DERL1: variants seen among roughly 807,000 people sequenced by gnomAD.
DERL1 encodes the protein derlin-1.
DERL1 carries 24 observed loss-of-function variants against 41.6 expected under a neutral mutation model. The ratio of observed to expected loss-of-function variants is 0.58; its 90% CI spans 0.42 to 0.81. The LOEUF (loss-of-function observed/expected upper bound fraction) is 0.81. Among genes scored for constraint, DERL1 ranks in the 30% least tolerant of loss-of-function variants. The probability of loss-of-function intolerance (pLI) is 0.00; values close to 1 mark genes in which losing one functional copy is unlikely to be tolerated. For missense variants in DERL1, 260 were observed against 314.3 expected, an observed-to-expected ratio of 0.83 and a Z score of 1.31; for synonymous variants, 124 against 112.5, an observed-to-expected ratio of 1.10 and a Z score of -0.65.
At chr8:123,039,944 T>G (rs1192581770) in intron 1 of DERL1, among the ~76,000 whole-genome samples, 1 of 152,178 alleles carries the variant, frequency 6.6e-6, no homozygotes, top group Non-Finnish European at 1.5e-5. Context: ...AAGGCCAGGC[T>G]CAGTGGCTCA....
Position 123,042,016 on chromosome 8 carries a change from G to C in DERL1, c.107C>G (p.Pro36Arg), listed in dbSNP as rs776404346. ...TTCGGGCCAGAGGAAGAGGTAGGCC[G>C]GGCTGATGAGGCCGAGTTTGCCGAC... ...PLVGKLGLIS[P>R]AYLFLWPEAF... is the part of the protein sequence containing the mutation. Residue 36 changes from proline to arginine, a missense_variant, in exon 1 of 8, where the codon CCG becomes CGG. Coordinates refer to ENST00000259512, the MANE Select transcript of DERL1 (RefSeq NM_024295.6). The C allele has an allele frequency of 3.1e-6, 5 of 1,613,778 alleles. No individual in the cohort carries two copies.
At chr8:123,016,538 T>C (rs145930929) in intron 7 of DERL1, 3 of 152,364 alleles carry the variant, frequency 2.0e-5, no homozygotes, top group African/African-American at 4.8e-5. Flanking sequence ...TCAGTGATTA[T>C]TGCCTTACAC....
chr8:123,014,330 C>T lies in DERL1; in HGVS notation c.*1117G>A, dbSNP rs1387922322. 6.6e-6 allele frequency: 1 copy of T among 152,648 alleles called. No individual in the cohort carries two copies. Among genetic ancestry groups the T allele is most frequent in the African/African-American group, 2.4e-5 (1 of 41,458 alleles). 9.5% of individuals were successfully genotyped at this position (152,648 alleles called of 1,614,324 possible). A position where few individuals can be genotyped will look rare whatever the true frequency, so the allele number is the denominator to read the frequency against. On this transcript the variant is annotated 3_prime_UTR_variant, in exon 8 of 8. Transcript: ENST00000259512. The stretch of plus-strand genomic sequence containing the variant: ...CATTTCAACCTTAAATCATGTTATT[C>T]CCTTAGATGTGCTTACATTAGCTTT...
At chr8:123,022,879 A>T in intron 4 of DERL1, 100 bp from the exon 5 acceptor site, 2 of 849,208 alleles carry the variant, frequency 2.4e-6, no homozygotes, top group South Asian at 2.9e-5. Flanking sequence ...AACAATCCTC[A>T]CCTGGGTAAA....
intron 1 of DERL1, among the ~76,000 whole-genome samples, chr8:123,031,187 A>T (rs1812809489): frequency 6.6e-6 from 1 of 152,232 alleles, no homozygotes; most frequent in African/African-American, 2.4e-5. Flanking sequence ...TAAATAGGCA[A>T]TAGGGGCACT....
chr8:123,027,989 G>A (rs183775759), intron 2 of DERL1, among the ~76,000 whole-genome samples: 5 of 151,616 alleles, frequency 3.3e-5, no homozygotes, highest in African/African-American at 9.7e-5. Context: ...TTGAACCCAG[G>A]AGGCAGAGGT....
intron 3 of DERL1, 107 bp from the exon 4 acceptor site, chr8:123,023,846 T>C: frequency 7.7e-7 from 1 of 1,292,210 alleles, no homozygotes; most frequent in Non-Finnish European, 1.1e-6. Flanking sequence ...CCAGGTGTAA[T>C]TTGGCTCATG....
At position 123,042,175 on chromosome 8, in the gene DERL1, A is replaced by G; in HGVS notation, c.-53T>C. On this transcript the variant is annotated 5_prime_UTR_variant, in exon 1 of 8. Coordinates refer to ENST00000259512, the MANE Select transcript of DERL1 (RefSeq NM_024295.6). ...CAAGACCGCCCGACTCCCCGTGCCGACCCCCTCACGACGCGGCCGGCTCCG... is the reference window on the plus strand; with the variant it reads ...CAAGACCGCCCGACTCCCCGTGCCGGCCCCCTCACGACGCGGCCGGCTCCG... 6.6e-7 allele frequency: 1 copy of G among 1,515,304 alleles called. No homozygotes were observed. Among genetic ancestry groups the G allele is most frequent in the Non-Finnish European group, 8.9e-7 (1 of 1,124,994 alleles). The allele number at this position is 1,515,304 out of a possible 1,614,324, so 93.9% of individuals were successfully genotyped here.
At chr8:123,035,717 T>C (rs1291750449) in intron 1 of DERL1, among the ~76,000 whole-genome samples, 2 of 152,214 alleles carry the variant, frequency 1.3e-5, no homozygotes, top group Admixed American at 6.5e-5. Context: ...CTCACTGCTA[T>C]ATACACCCTT....
At chr8:123,021,303 G>T in intron 6 of DERL1, 144 bp downstream of exon 6, 1 of 734,726 alleles carries the variant, frequency 1.4e-6, no homozygotes, top group Non-Finnish European at 2.3e-6. Context: ...CAATTCAATC[G>T]AAGTGAAATT....
chr8:123,042,253 A>G lies in DERL1; in HGVS notation c.-131T>C. 1 of 1,241,384 alleles carries G rather than the reference A, an allele frequency of 8.1e-7. No homozygotes were observed. The highest frequency in any genetic ancestry group is 3.0e-5 in the East Asian group (1 of 33,746). The allele number at this position is 1,241,384 out of a possible 1,614,324, so 76.9% of individuals were successfully genotyped here. A position where few individuals can be genotyped will look rare whatever the true frequency, so the allele number is the denominator to read the frequency against. On this transcript the variant is annotated 5_prime_UTR_variant, in exon 1 of 8. Transcript: ENST00000259512. ...GCCGAAGCCGCGATGCAGAAGGCGG[A>G]GACGGGCGGACGTGGCGCCACCGAA...
chr8:123,030,580 C>G, intron 2 of DERL1, 25 bp downstream of exon 2: 1 of 1,494,922 alleles, frequency 6.7e-7, no homozygotes, highest in Non-Finnish European at 9.2e-7. Context: ...AGAAACAATG[C>G]TTAAAACAAC....
intron 1 of DERL1, among the ~76,000 whole-genome samples, chr8:123,041,612 G>T (rs1258004141): frequency 6.6e-6 from 1 of 152,240 alleles, no homozygotes. Flanking sequence ...GTGACAGAGG[G>T]AGGTCAGAGG....
At chr8:123,022,233 G>A (rs1812571808) in intron 5 of DERL1, among the ~76,000 whole-genome samples, 1 of 152,200 alleles carries the variant, frequency 6.6e-6, no homozygotes, top group Admixed American at 6.5e-5. Flanking sequence ...TTAAGAATGG[G>A]TAGGATTTAT....
Position 123,015,297 on chromosome 8 carries a change from C to T in DERL1, c.*150G>A. 9.4e-7 allele frequency: 1 copy of T among 1,066,506 alleles called. No homozygotes were observed. The highest frequency in any genetic ancestry group is 2.7e-5 in the Admixed American group (1 of 36,736). The allele number at this position is 1,066,506 out of a possible 1,614,324, so 66.1% of individuals were successfully genotyped here. On this transcript the variant is annotated 3_prime_UTR_variant, in exon 8 of 8. Coordinates refer to ENST00000259512, the MANE Select transcript of DERL1 (RefSeq NM_024295.6). ...AAACTTGTGGAACACTTATATTTTT[C>T]TTCGGGATTTAAGAAACTTTGTCTC...
chr8:123,013,640 G>GA lies in DERL1; in HGVS notation c.*1806dup, dbSNP rs894609886. Reference sequence around the variant, plus strand: ...GTTCTAAATACTTGTAAACCTTTAGGAAAAAATGACTGCTCGCAGGCAGCT... The same window carrying GA: ...GTTCTAAATACTTGTAAACCTTTAGGAAAAAAATGACTGCTCGCAGGCAGCT... On this transcript the variant is annotated 3_prime_UTR_variant, in exon 8 of 8. Coordinates refer to ENST00000259512, the MANE Select transcript of DERL1 (RefSeq NM_024295.6). 4 of 152,040 alleles carry GA rather than the reference G, an allele frequency of 2.6e-5. No homozygotes were observed. The highest frequency in any genetic ancestry group is 9.7e-5 in the African/African-American group (4 of 41,388). 9.4% of individuals were successfully genotyped at this position (152,040 alleles called of 1,614,324 possible).
At chr8:123,023,568 TAAATA>T (rs1032377107) in intron 4 of DERL1, 140 bp downstream of exon 4, 12 of 734,070 alleles carry the variant, frequency 1.6e-5, no homozygotes, top group Middle Eastern at 3.2e-4. Flanking sequence ...AATAAATAAA[TAAATA>T]AAACAGCTGT....
chr8:123,037,746 G>A (rs1415176962), intron 1 of DERL1, among the ~76,000 whole-genome samples: 1 of 152,144 alleles, frequency 6.6e-6, no homozygotes. Flanking sequence ...TGAAACTGAA[G>A]CTGTCTACAA....
At chr8:123,034,719 A>G (rs1040478358) in intron 1 of DERL1, among the ~76,000 whole-genome samples, 1 of 152,244 alleles carries the variant, frequency 6.6e-6, no homozygotes, top group Non-Finnish European at 1.5e-5. Flanking sequence ...TACTACAGAC[A>G]CTTGTGTAAT....
Sources: allele counts gnomAD v4.1 joint callset (sites outside exome capture counted in the v4.1 genomes callset), GRCh38; gene constraint gnomAD v4.1.1; transcripts MANE v1.5; gene names NCBI Gene and HGNC (gene_info 2026-07-23, HGNC 2026-07-21).